Variants in SGCD observed in about 807,000 individuals in gnomAD.
SGCD encodes sarcoglycan delta, also known as delta-sarcoglycan.
A neutral mutation model predicts 36.6 loss-of-function variants in SGCD; 18 were observed. The ratio of observed to expected loss-of-function variants is 0.49; its 90% confidence interval spans 0.34 to 0.73. The LOEUF is 0.73. SGCD is among the 30% of genes least tolerant of loss of function. The probability of loss-of-function intolerance (pLI) is 0.01; values close to 1 mark genes in which losing one functional copy is unlikely to be tolerated. For synonymous variants in SGCD, 133 were observed against 130.6 expected (o/e 1.02, Z -0.12); for missense variants, 387 against 346.7 (o/e 1.12, Z -0.92).
chr5:156,600,298 T>A (rs990911475), intron 6 of SGCD, among the ~76,000 whole-genome samples: 3 of 152,144 alleles, frequency 2.0e-5, no homozygotes, highest in Admixed American at 1.3e-4. Context: ...TTAACCAAAC[T>A]CCCCAACCTT....
At chr5:156,684,308 A>G (rs1304080948) in intron 7 of SGCD, among the ~76,000 whole-genome samples, 4 of 152,098 alleles carry the variant, frequency 2.6e-5, no homozygotes, top group African/African-American at 9.7e-5. Flanking sequence ...AAGAAAGTGT[A>G]ACACTGCTGT....
chr5:156,372,410 A>G (rs1163313823), intron 3 of SGCD, among the ~76,000 whole-genome samples: 2 of 152,162 alleles, frequency 1.3e-5, no homozygotes, highest in Non-Finnish European at 2.9e-5. Flanking sequence ...TCTCACCTGT[A>G]ATCTTAGCAC....
chr5:155,903,775 G>A (rs1489533120), intron 1 of SGCD, among the ~76,000 whole-genome samples: 1 of 152,126 alleles, frequency 6.6e-6, no homozygotes, highest in Non-Finnish European at 1.5e-5. Flanking sequence ...GGTAAATCCT[G>A]GGCACAATGT....
At chr5:156,067,795 C>A (rs1338395228) in intron 1 of SGCD, among the ~76,000 whole-genome samples, 2 of 138,388 alleles carry the variant, frequency 1.4e-5, no homozygotes, top group African/African-American at 6.6e-5. Context: ...CGCTCTGCTT[C>A]GGCTCGCGCA....
At chr5:156,532,256 T>C (rs1430438920) in intron 4 of SGCD, among the ~76,000 whole-genome samples, 1 of 152,226 alleles carries the variant, frequency 6.6e-6, no homozygotes, top group Non-Finnish European at 1.5e-5. Context: ...TAATATTGAA[T>C]ATCTGTAACT....
chr5:156,252,677 G>A (rs181197747), intron 3 of SGCD, among the ~76,000 whole-genome samples: 6 of 152,270 alleles, frequency 3.9e-5, no homozygotes, highest in East Asian at 1.9e-4. Context: ...TTAGCCTGAA[G>A]CAGTTTACCA....
intron 1 of SGCD, among the ~76,000 whole-genome samples, chr5:155,934,014 A>G (rs1394578805): frequency 6.6e-6 from 1 of 152,228 alleles, no homozygotes. Context: ...TGGGAGCATC[A>G]TCTCCTATTG....
At chr5:156,396,611 T>C (rs1235269161) in intron 3 of SGCD, among the ~76,000 whole-genome samples, 3 of 152,118 alleles carry the variant, frequency 2.0e-5, no homozygotes, top group African/African-American at 7.2e-5. Flanking sequence ...TGGAGCATGG[T>C]AGGGTAGTTT....
chr5:156,565,565 A>G (rs564773416), intron 4 of SGCD, among the ~76,000 whole-genome samples: 7 of 152,084 alleles, frequency 4.6e-5, no homozygotes, highest in Non-Finnish European at 8.8e-5. Flanking sequence ...TTTTTATTAT[A>G]CTTTAAGTTC....
intron 7 of SGCD, among the ~76,000 whole-genome samples, chr5:156,656,613 T>C (rs1763692315): frequency 1.3e-5 from 2 of 152,160 alleles, no homozygotes; most frequent in Non-Finnish European, 2.9e-5. Flanking sequence ...CTCATAACAA[T>C]TGTATTCTTT....
rs1445888466 is a variant in SGCD, at chr5:156,531,587, G to C, written c.294+22885G>C. On this transcript the variant is annotated intron_variant, in intron 4 of 8. Coordinates refer to ENST00000337851, the MANE Select transcript of SGCD (RefSeq NM_000337.6). ...AACACATCACAGGGTCGGTGGTCCT[G>C]TTCGATCCAGCAACATTGATTATAT... 2.0e-5 allele frequency among the ~76,000 whole-genome samples: 3 copies of C among 152,160 alleles called. No individual in the cohort carries two copies. The East Asian group carries it at 5.8e-4, about 29-fold the overall frequency.
intron 3 of SGCD, among the ~76,000 whole-genome samples, chr5:156,315,265 A>AT (rs71577194): frequency 0.8 from 118,632 of 148,386 alleles, 47,813 homozygotes; most frequent in African/African-American, 0.93. Context: ...TTTGAGTCTG[A>AT]TTTTTTTTTT....
At chr5:156,137,222 A>C (rs1302463534) in intron 3 of SGCD, among the ~76,000 whole-genome samples, 1 of 152,238 alleles carries the variant, frequency 6.6e-6, no homozygotes, top group Non-Finnish European at 1.5e-5. Context: ...CCTTTGAGGC[A>C]TCCCAAGCCT....
At position 156,187,883 on chromosome 5, in the gene SGCD, G is replaced by T. The variant is rs900549426; in HGVS notation, c.-44+63864G>T. 2.0e-5 allele frequency among the ~76,000 whole-genome samples: 3 copies of T among 152,272 alleles called. No homozygotes were observed. The South Asian group carries it at 6.2e-4, about 32-fold the overall frequency. On this transcript the variant is annotated intron_variant, in intron 3 of 9. Transcript: ENST00000517913. ...CTGACAAAGAAGCTCATTAGAAATG[G>T]AATTCCCAGGCTGCTCTCTCCTCCT...
chr5:156,166,572 G>A (rs868830057), intron 3 of SGCD, among the ~76,000 whole-genome samples: 2 of 152,144 alleles, frequency 1.3e-5, no homozygotes, highest in Admixed American at 6.5e-5. Flanking sequence ...CGCCCGCCTC[G>A]GCCTCCCACA....
At position 156,760,802 on chromosome 5, in the gene SGCD, G is replaced by A. The variant is rs1757486673; in HGVS notation, c.*1412G>A. 1 of 152,668 alleles carries A rather than the reference G, an allele frequency of 6.6e-6. No homozygotes were observed. The highest frequency in any genetic ancestry group is 6.5e-5 in the Admixed American group (1 of 15,282). 9.5% of individuals were successfully genotyped at this position (152,668 alleles called of 1,614,324 possible). On this transcript the variant is annotated 3_prime_UTR_variant, in exon 9 of 9. Coordinates refer to ENST00000337851, the MANE Select transcript of SGCD (RefSeq NM_000337.6). ...AGGGGGAAATGTGCCTATGCCTTAA[G>A]TCAATGCACTCAGCAAGGAGAAGCA...
intron 3 of SGCD, among the ~76,000 whole-genome samples, chr5:156,210,469 A>G (rs993336438): frequency 1.3e-5 from 2 of 152,198 alleles, no homozygotes; most frequent in African/African-American, 4.8e-5. Flanking sequence ...CCCCTAAGAA[A>G]TAGAGACATA....
rs369667467 is a variant in SGCD, at chr5:155,992,837, G to C, written c.-282+122413G>C. ...CATTAATTATGCCTTTTTATTTTAT[G>C]TATTTCTGATGCTTTGACCTCTGGG... On this transcript the variant is annotated intron_variant, in intron 1 of 9. Coordinates refer to the SGCD transcript ENST00000517913. 2.3e-3 allele frequency among the ~76,000 whole-genome samples: 350 copies of C among 152,266 alleles called. 4 individuals are homozygous for C. Among genetic ancestry groups the C allele is most frequent in the African/African-American group, 8.0e-3 (334 of 41,562 alleles).
chr5:156,509,095 A>G (rs1387338858), intron 4 of SGCD, among the ~76,000 whole-genome samples: 1 of 152,204 alleles, frequency 6.6e-6, no homozygotes, highest in Non-Finnish European at 1.5e-5. Flanking sequence ...GTTTTTCATT[A>G]AGACTTTACA....
Sources: allele counts gnomAD v4.1 joint callset (sites outside exome capture counted in the v4.1 genomes callset), GRCh38; gene constraint gnomAD v4.1.1; transcripts MANE v1.5; gene names NCBI Gene and HGNC (gene_info 2026-07-23, HGNC 2026-07-21).